The following COL21A1 variants were observed in gnomAD, a reference collection of about 807,000 sequenced individuals.
COL21A1 encodes the protein collagen type XXI alpha 1 chain, also known as collagen alpha-1(XXI) chain.
A neutral mutation model predicts 137.9 loss-of-function variants in COL21A1; 149 were observed. That is an observed-to-expected ratio of 1.08 (90% confidence interval 0.95 to 1.24). The LOEUF is 1.24. COL21A1 is among the 50% of genes most tolerant of loss of function. COL21A1 has a pLI of 0.00. For missense variants in COL21A1, 1,167 were observed against 1,158.4 expected (o/e 1.01, Z -0.11); for synonymous variants, 456 against 391.5 (o/e 1.16, Z -1.95).
chr6:56,350,892 T>C (rs1765698328), intron 1 of COL21A1, among the ~76,000 whole-genome samples: 1 of 152,248 alleles, frequency 6.6e-6, no homozygotes, highest in East Asian at 1.9e-4. Context: ...GTTTCTGTCA[T>C]GACAAATAAA....
At chr6:56,237,199 T>C (rs1482611338) in intron 1 of COL21A1, among the ~76,000 whole-genome samples, 1 of 152,032 alleles carries the variant, frequency 6.6e-6, no homozygotes, top group Non-Finnish European at 1.5e-5. Context: ...AGCAAAGTAG[T>C]GCACTCTAAA....
chr6:56,203,714 C>G (rs1310744796), intron 1 of COL21A1, among the ~76,000 whole-genome samples: 1 of 152,194 alleles, frequency 6.6e-6, no homozygotes, highest in Non-Finnish European at 1.5e-5. Context: ...CTGCAGTTCC[C>G]AGCAAGATCA....
At chr6:56,361,640 T>G (rs1765967824) in intron 1 of COL21A1, among the ~76,000 whole-genome samples, 2 of 151,952 alleles carry the variant, frequency 1.3e-5, no homozygotes, top group Non-Finnish European at 2.9e-5. Context: ...ATGGTAATAA[T>G]AGGAAACTCT....
intron 1 of COL21A1, among the ~76,000 whole-genome samples, chr6:56,189,757 T>TTCTCTC (rs1348660004): frequency 2.0e-5 from 3 of 152,194 alleles, no homozygotes; most frequent in Non-Finnish European, 4.4e-5. Context: ...CCCATCAGGC[T>TTCTCTC]AACAGTGGAT....
At chr6:56,185,481 T>A (rs941300728) in intron 1 of COL21A1, among the ~76,000 whole-genome samples, 1 of 127,240 alleles carries the variant, frequency 7.9e-6, no homozygotes, top group Non-Finnish European at 1.6e-5. Context: ...CAGGCCGGAC[T>A]GCGGACTGCA....
At chr6:56,063,430 G>A (rs933636767) in intron 24 of COL21A1, among the ~76,000 whole-genome samples, 2 of 145,524 alleles carry the variant, frequency 1.4e-5, no homozygotes, top group African/African-American at 5.2e-5. Context: ...AGGAAACTCA[G>A]AGAGTTGATC....
At position 56,166,956 on chromosome 6, in the gene COL21A1, A is replaced by G. The variant is rs766697124; in HGVS notation, c.1228T>C (p.Cys410Arg). 3 of 1,612,586 alleles carry G rather than the reference A, an allele frequency of 1.9e-6. No homozygotes were observed. Among genetic ancestry groups the G allele is most frequent in the Admixed American group, 1.7e-5 (1 of 59,902 alleles). Residue 410 changes from cysteine (C) to arginine (R), a missense_variant, in exon 7 of 30, where the codon TGT (cysteine) becomes CGT (arginine). Cys to Arg is a radical substitution (Grantham distance 180). Transcript: ENST00000244728. Reference sequence around the variant, plus strand: ...TCCCGGTTGTTCTGTTCTGGGTCACAGTAGATTCGCAACTTTTGGACATCA... The same window carrying G: ...TCCCGGTTGTTCTGTTCTGGGTCACGGTAGATTCGCAACTTTTGGACATCA... ...QFDVQKLRIYCDPEQNNRETA... is the reference protein window; with the variant it reads ...QFDVQKLRIYRDPEQNNRETA...
Position 56,077,562 on chromosome 6 carries a change from T to C in COL21A1, c.1824A>G (p.Gly608=). 1 of 1,572,674 alleles carries C rather than the reference T, an allele frequency of 6.4e-7. No homozygotes were observed. Among genetic ancestry groups the C allele is most frequent in the Non-Finnish European group, 8.6e-7 (1 of 1,157,056 alleles). ...CCATTAATCCTCGGTTTCCAGGAAA[T>C]CCTGGGATTCCCTAAAAACAAATAA... ...DGTRGEPGIP[G]FPGNRGLMGQ... The change falls in exon 18 of 30, where the codon GGA becomes GGG. Residue 608 remains glycine, a synonymous_variant. Transcript: ENST00000244728.
At chr6:56,393,174 G>A (rs534066316) in intron 1 of COL21A1, among the ~76,000 whole-genome samples, 2 of 152,128 alleles carry the variant, frequency 1.3e-5, no homozygotes, top group East Asian at 3.9e-4. Flanking sequence ...GAACAGAAGA[G>A]AGAACACAGA....
Position 56,134,381 on chromosome 6 carries a change from C to T in COL21A1, c.1542+7404G>A, listed in dbSNP as rs186426248. 3.6e-3 allele frequency among the ~76,000 whole-genome samples: 548 copies of T among 152,236 alleles called. 6 individuals carry two copies. Among genetic ancestry groups the T allele is most frequent in the African/African-American group, 0.013 (521 of 41,518 alleles). On this transcript the variant is annotated intron_variant, in intron 12 of 29. Transcript: ENST00000244728. The stretch of plus-strand genomic sequence containing the variant: ...TCGGAATGGGAGTATTTATCCAATG[C>T]CTGTACCCCTATTTTATCTAGGAAA...
chr6:56,110,706 A>T (rs1239181419), intron 16 of COL21A1, among the ~76,000 whole-genome samples: 2 of 152,032 alleles, frequency 1.3e-5, no homozygotes, highest in African/African-American at 2.4e-5. Context: ...AAACTGAAAA[A>T]TTTTTCAAAG....
At chr6:56,370,961 TATA>T (rs2093987132) in intron 1 of COL21A1, among the ~76,000 whole-genome samples, 1 of 152,242 alleles carries the variant, frequency 6.6e-6, no homozygotes, top group African/African-American at 2.4e-5. Context: ...CAGGTTAATA[TATA>T]ATCTTTTTAT....
At chr6:56,267,963 T>A (rs915193668) in intron 1 of COL21A1, among the ~76,000 whole-genome samples, 1 of 152,072 alleles carries the variant, frequency 6.6e-6, no homozygotes, top group African/African-American at 2.4e-5. Context: ...TGTGCTTTGC[T>A]CCACCTGAGT....
chr6:56,381,585 C>A (rs950635188), intron 1 of COL21A1, among the ~76,000 whole-genome samples: 1 of 152,216 alleles, frequency 6.6e-6, no homozygotes, highest in African/African-American at 2.4e-5. Flanking sequence ...ATTCCTGTTA[C>A]AAAACACACA....
intron 16 of COL21A1, among the ~76,000 whole-genome samples, chr6:56,117,131 T>C (rs915899480): frequency 4.0e-5 from 6 of 151,842 alleles, no homozygotes; most frequent in African/African-American, 1.5e-4. Flanking sequence ...CAAACTGAAC[T>C]CTCCAATCAA....
chr6:56,102,184 G>T (rs918483252), intron 16 of COL21A1, among the ~76,000 whole-genome samples: 27 of 152,036 alleles, frequency 1.8e-4, no homozygotes, highest in Admixed American at 6.6e-5. Flanking sequence ...GAATACAAAT[G>T]TATCTGACAC....
At chr6:56,167,794 G>T (rs1037571094) in intron 6 of COL21A1, among the ~76,000 whole-genome samples, 1 of 152,090 alleles carries the variant, frequency 6.6e-6, no homozygotes, top group Admixed American at 6.5e-5. Flanking sequence ...CCCACTTACA[G>T]ATGAAACTAT....
chr6:56,079,378 T>TA (rs1767543990), intron 17 of COL21A1, among the ~76,000 whole-genome samples: 1 of 151,770 alleles, frequency 6.6e-6, no homozygotes, highest in African/African-American at 2.4e-5. Context: ...TTAAAGTTTT[T>TA]ATCACTATTC....
chr6:56,328,281 T>C (rs753768663), intron 1 of COL21A1, among the ~76,000 whole-genome samples: 20 of 152,102 alleles, frequency 1.3e-4, no homozygotes, highest in Non-Finnish European at 1.9e-4. Flanking sequence ...ATTTTAATAG[T>C]CTGTCCTATC....
Sources: gnomAD v4.1 joint callset for allele counts (sites outside exome capture counted in the v4.1 genomes callset) on GRCh38, gnomAD v4.1.1 for gene constraint, MANE v1.5 for transcripts, NCBI Gene and HGNC (gene_info 2026-07-23, HGNC 2026-07-21) for gene names.